Variants in RBM33 observed in about 807,000 individuals in gnomAD.
The protein encoded by RBM33 is RNA-binding protein 33.
RBM33 carries 28 observed loss-of-function variants against 132.6 expected under a neutral mutation model. That is an observed-to-expected ratio of 0.21 (90% CI 0.16 to 0.29). The LOEUF (loss-of-function observed/expected upper bound fraction) is 0.29. Among genes scored for constraint, RBM33 ranks in the 10% least tolerant of loss-of-function variants. The pLI is 1.00. For synonymous variants in RBM33, 634 were observed against 593.0 expected, an observed-to-expected ratio of 1.07 and a Z score of -1.01; for missense variants, 1,291 against 1,518.5, an observed-to-expected ratio of 0.85 and a Z score of 2.49.
At chr7:155,747,401 A>G (rs1168443679) in intron 14 of RBM33, among the ~76,000 whole-genome samples, 1 of 152,196 alleles carries the variant, frequency 6.6e-6, no homozygotes, top group Non-Finnish European at 1.5e-5. Context: ...GCCTTTTCCC[A>G]TAGCAACCAG....
intron 14 of RBM33, among the ~76,000 whole-genome samples, chr7:155,760,946 G>T (rs1802014958): frequency 1.3e-5 from 2 of 152,200 alleles, no homozygotes; most frequent in Non-Finnish European, 1.5e-5. Flanking sequence ...GCCCCTGTAA[G>T]ACAGGAGCGA....
chr7:155,730,778 C>T (rs945577505), intron 9 of RBM33, among the ~76,000 whole-genome samples: 1 of 152,128 alleles, frequency 6.6e-6, no homozygotes, highest in Non-Finnish European at 1.5e-5. Flanking sequence ...GGCTTTGTTA[C>T]GTACCAGTAA....
chr7:155,681,572 T>C (rs777198925), intron 5 of RBM33, among the ~76,000 whole-genome samples: 1 of 152,142 alleles, frequency 6.6e-6, no homozygotes, highest in Non-Finnish European at 1.5e-5. Flanking sequence ...CAAAAGAGAT[T>C]TGTTTTTTAA....
chr7:155,757,745 G>A (rs1016198631), intron 14 of RBM33, among the ~76,000 whole-genome samples: 2 of 152,086 alleles, frequency 1.3e-5, no homozygotes, highest in Admixed American at 1.3e-4. Context: ...TTGGCCCAGG[G>A]TTCTGCAGGC....
intron 7 of RBM33, among the ~76,000 whole-genome samples, chr7:155,710,802 T>G (rs1031087488): frequency 1.3e-5 from 2 of 152,240 alleles, no homozygotes; most frequent in East Asian, 3.9e-4. Context: ...TTACCAGAGT[T>G]CCTGGAGGGG....
chr7:155,737,470 AATTACATACC>A (rs1440816475), intron 9 of RBM33, 50 bp from the exon 10 acceptor site: 1 of 1,507,420 alleles, frequency 6.6e-7, no homozygotes, highest in Non-Finnish European at 8.9e-7. Context: ...TATTTCTAAA[AATTACATACC>A]ATTTTTCTGT....
intron 2 of RBM33, 79 bp downstream of exon 2, chr7:155,665,332 C>A: frequency 7.9e-7 from 1 of 1,264,856 alleles, no homozygotes; most frequent in Non-Finnish European, 1.2e-6. Context: ...GGGATCTTTA[C>A]TGAACGCAGC....
chr7:155,705,973 G>A lies in RBM33; in HGVS notation c.740-887G>A, dbSNP rs932343857. Among the ~76,000 whole-genome samples, 11 of 152,312 alleles carry A rather than the reference G, an allele frequency of 7.2e-5. No homozygotes were observed. In the East Asian group the frequency reaches 2.1e-3, roughly 29 times the overall value. On this transcript the variant is annotated intron_variant, in intron 6 of 17. Transcript: ENST00000401878. Reference sequence around the variant, plus strand: ...TTTAAGAAAATAAATACAAAAAATTGAAATGATATGTATTAAATTGAGCTT... The same window carrying A: ...TTTAAGAAAATAAATACAAAAAATTAAAATGATATGTATTAAATTGAGCTT...
chr7:155,664,402 G>A (rs565248670), intron 1 of RBM33, among the ~76,000 whole-genome samples: 7 of 151,766 alleles, frequency 4.6e-5, no homozygotes, highest in Non-Finnish European at 1.5e-5. Context: ...CTGGGACTAC[G>A]GACGTGCACC....
At chr7:155,702,560 AC>A (rs1274773087) in intron 6 of RBM33, among the ~76,000 whole-genome samples, 1 of 152,270 alleles carries the variant, frequency 6.6e-6, no homozygotes, top group Non-Finnish European at 1.5e-5. Context: ...ATGAAAATAA[AC>A]AAAATACATC....
intron 1 of RBM33, among the ~76,000 whole-genome samples, chr7:155,659,520 T>C (rs891799370): frequency 6.6e-6 from 1 of 151,994 alleles, no homozygotes; most frequent in African/African-American, 2.4e-5. Context: ...AACTTGAAGG[T>C]CAATTGAGAT....
chr7:155,662,062 A>G (rs1276285861), intron 1 of RBM33, among the ~76,000 whole-genome samples: 1 of 151,920 alleles, frequency 6.6e-6, no homozygotes, highest in Non-Finnish European at 1.5e-5. Flanking sequence ...TGGCTGGGTT[A>G]TTTTAATGAA....
chr7:155,760,131 A>G (rs1393427175), intron 14 of RBM33, among the ~76,000 whole-genome samples: 1 of 152,222 alleles, frequency 6.6e-6, no homozygotes, highest in Non-Finnish European at 1.5e-5. Context: ...TTCACTAAAT[A>G]TTTCAGTGCC....
chr7:155,765,813 G>T (rs536498935), intron 15 of RBM33, among the ~76,000 whole-genome samples: 1 of 152,112 alleles, frequency 6.6e-6, no homozygotes, highest in African/African-American at 2.4e-5. Context: ...GCTTAGGCCC[G>T]CCTTAGACCA....
intron 5 of RBM33, among the ~76,000 whole-genome samples, chr7:155,699,658 T>TG (rs1401007281): frequency 6.6e-6 from 1 of 152,208 alleles, no homozygotes; most frequent in Non-Finnish European, 1.5e-5. Context: ...TGTCATCTCC[T>TG]GCTGTTCAGG....
chr7:155,771,780 G>A (rs1056043093), intron 16 of RBM33, among the ~76,000 whole-genome samples: 1 of 151,916 alleles, frequency 6.6e-6, no homozygotes, highest in Non-Finnish European at 1.5e-5. Flanking sequence ...CACCCAGGCT[G>A]GAGTGCAGTG....
intron 3 of RBM33, among the ~76,000 whole-genome samples, chr7:155,673,940 G>GTTGTTGTTTTTTTTTTTTTTTTTTTTT: frequency 1.7e-4 from 9 of 54,214 alleles, no homozygotes; most frequent in African/African-American, 4.1e-4. Context: ...TTTAGGCTTA[G>GTTGTTGTTTTTTTTTTTTTTTTTTTTT]TTTTTTTTTT....
chr7:155,736,451 T>TA (rs1398476499), intron 9 of RBM33, among the ~76,000 whole-genome samples: 1 of 152,252 alleles, frequency 6.6e-6, no homozygotes. Flanking sequence ...TCTTTACCTT[T>TA]ATGCTGCTGC....
At chr7:155,683,861 T>C (rs1799401850) in intron 5 of RBM33, among the ~76,000 whole-genome samples, 1 of 152,194 alleles carries the variant, frequency 6.6e-6, no homozygotes, top group Admixed American at 6.5e-5. Context: ...GGTTGACATT[T>C]TATGTCATGG....
Sources: allele counts gnomAD v4.1 joint callset (sites outside exome capture counted in the v4.1 genomes callset), GRCh38; gene constraint gnomAD v4.1.1; transcripts MANE v1.5; gene names NCBI Gene and HGNC (gene_info 2026-07-23, HGNC 2026-07-21).